The following TMEM117 variants were observed in gnomAD, a reference collection of about 807,000 sequenced individuals.
TMEM117 encodes the protein transmembrane protein 117.
In TMEM117, 27 loss-of-function variants were observed where a neutral mutation model predicts 52.4. The ratio of observed to expected loss-of-function variants is 0.51; its 90% CI spans 0.38 to 0.71. The LOEUF (loss-of-function observed/expected upper bound fraction) is 0.71, where lower values mean the gene tolerates loss of function less well. Ranked by LOEUF, TMEM117 falls within the 30% of genes least tolerant of loss-of-function variation. TMEM117 has a pLI of 0.00. For synonymous variants in TMEM117, 215 were observed against 206.3 expected, an observed-to-expected ratio of 1.04 and a Z score of -0.36; for missense variants, 556 against 630.5, an observed-to-expected ratio of 0.88 and a Z score of 1.26.
At chr12:43,869,634 A>T (rs1204039712) in intron 2 of TMEM117, among the ~76,000 whole-genome samples, 1 of 152,254 alleles carries the variant, frequency 6.6e-6, no homozygotes, top group Non-Finnish European at 1.5e-5. Flanking sequence ...AACAATTGTT[A>T]AAACCTGGAA....
At chr12:44,329,935 A>G (rs1200789205) in intron 6 of TMEM117, among the ~76,000 whole-genome samples, 5 of 152,086 alleles carry the variant, frequency 3.3e-5, no homozygotes, top group South Asian at 2.1e-4. Context: ...GGTTGCTTCC[A>G]TCTTTTGTGA....
intron 5 of TMEM117, among the ~76,000 whole-genome samples, chr12:44,259,203 C>T (rs891724132): frequency 6.6e-6 from 1 of 152,114 alleles, no homozygotes; most frequent in African/African-American, 2.4e-5. Flanking sequence ...CAGCATTATA[C>T]TAAATGTTCC....
At chr12:44,037,469 G>GTGCCC in intron 3 of TMEM117, among the ~76,000 whole-genome samples, 1 of 152,258 alleles carries the variant, frequency 6.6e-6, no homozygotes, top group South Asian at 2.1e-4. Context: ...GGCCCCTCCA[G>GTGCCC]ACGCTGGGCA....
intron 3 of TMEM117, among the ~76,000 whole-genome samples, chr12:43,996,816 AAAT>A (rs1325925135): frequency 1.3e-5 from 2 of 152,212 alleles, no homozygotes; most frequent in African/African-American, 2.4e-5. Context: ...ACTTGACTCA[AAAT>A]GAGCTTAGTG....
intron 2 of TMEM117, among the ~76,000 whole-genome samples, chr12:43,889,916 G>C (rs144502904): frequency 1.0e-3 from 153 of 152,270 alleles, no homozygotes; most frequent in Non-Finnish European, 1.9e-3. Flanking sequence ...CACCAGTTCG[G>C]TTGCAATATA....
At chr12:44,263,186 A>G (rs116645597) in intron 5 of TMEM117, among the ~76,000 whole-genome samples, 2,276 of 152,294 alleles carry the variant, frequency 0.015, 40 homozygotes, top group African/African-American at 0.052. Flanking sequence ...ATCTATAACA[A>G]AGTTTTCTCA....
At chr12:43,796,277 C>CT in the TMEM117 span, among the ~76,000 whole-genome samples, 1 of 152,078 alleles carries the variant, frequency 6.6e-6, no homozygotes, top group East Asian at 1.9e-4. Context: ...CTGATCCCTG[C>CT]TATAGAAGGT....
intron 3 of TMEM117, among the ~76,000 whole-genome samples, chr12:44,032,834 G>A (rs774559538): frequency 8.5e-5 from 13 of 152,154 alleles, no homozygotes; most frequent in South Asian, 4.1e-4. Flanking sequence ...TCAGCCTGAA[G>A]AAGTTACAGA....
chr12:43,991,370 G>T (rs1565783344), intron 3 of TMEM117, among the ~76,000 whole-genome samples: 1 of 152,120 alleles, frequency 6.6e-6, no homozygotes, highest in Non-Finnish European at 1.5e-5. Context: ...CGGGAGATAA[G>T]AAATTGTCCA....
intron 3 of TMEM117, among the ~76,000 whole-genome samples, chr12:44,061,477 G>A (rs1442946739): frequency 6.6e-6 from 1 of 152,070 alleles, no homozygotes; most frequent in Non-Finnish European, 1.5e-5. Context: ...GGATTGTGAG[G>A]TGAGATATGG....
intron 3 of TMEM117, among the ~76,000 whole-genome samples, chr12:44,026,674 G>A (rs1016615757): frequency 3.3e-5 from 5 of 152,130 alleles, no homozygotes; most frequent in Non-Finnish European, 7.3e-5. Context: ...TAATTGGCAA[G>A]TATGTGTTTA....
intron 2 of TMEM117, among the ~76,000 whole-genome samples, chr12:43,910,629 T>C (rs1372506502): frequency 6.6e-6 from 1 of 151,716 alleles, no homozygotes; most frequent in East Asian, 1.9e-4. Context: ...CTTCAGCTGA[T>C]AAGCAACTTC....
chr12:44,041,005 GA>G (rs1173848874), intron 3 of TMEM117, among the ~76,000 whole-genome samples: 9 of 152,066 alleles, frequency 5.9e-5, no homozygotes, highest in African/African-American at 1.9e-4. Context: ...TAAGCACATG[GA>G]AAAAAGAAAT....
At chr12:44,184,417 G>A (rs1185629009) in intron 4 of TMEM117, among the ~76,000 whole-genome samples, 1 of 152,112 alleles carries the variant, frequency 6.6e-6, no homozygotes, top group East Asian at 1.9e-4. Context: ...GATCACATAA[G>A]CCCTGAAATG....
chr12:43,960,076 C>G (rs1161934247), intron 3 of TMEM117, among the ~76,000 whole-genome samples: 8 of 152,194 alleles, frequency 5.3e-5, no homozygotes, highest in Non-Finnish European at 8.8e-5. Flanking sequence ...GATGCAAATT[C>G]TGCTGGAGTG....
chr12:44,246,906 G>A lies in TMEM117; in HGVS notation c.608+35519G>A, dbSNP rs143781333. Among the ~76,000 whole-genome samples, 3 of 152,214 alleles carry A rather than the reference G, an allele frequency of 2.0e-5. No homozygotes were observed. In the East Asian group the frequency reaches 5.8e-4, roughly 29 times the overall value. ...GCTTGATGGTCTAAAAACATTGCTGGGCCCTGCATCTGTTGCATCCTGCAC... is the reference window on the plus strand; with the variant it reads ...GCTTGATGGTCTAAAAACATTGCTGAGCCCTGCATCTGTTGCATCCTGCAC... On this transcript the variant is annotated intron_variant, in intron 5 of 7. Transcript: ENST00000266534.
chr12:43,836,812 TGA>T (rs370818795), intron 1 of TMEM117, among the ~76,000 whole-genome samples: 3 of 150,938 alleles, frequency 2.0e-5, no homozygotes, highest in African/African-American at 2.4e-5. Flanking sequence ...TGTGCGTGTG[TGA>T]GAGAGAGAGA....
intron 2 of TMEM117, among the ~76,000 whole-genome samples, chr12:43,916,418 A>C (rs1944604130): frequency 6.6e-6 from 1 of 152,222 alleles, no homozygotes; most frequent in African/African-American, 2.4e-5. Flanking sequence ...ATATATGTTT[A>C]TAAAACATGA....
At chr12:43,808,596 G>T in the TMEM117 span, among the ~76,000 whole-genome samples, 2 of 152,022 alleles carry the variant, frequency 1.3e-5, no homozygotes, top group African/African-American at 4.8e-5. Context: ...ATAAATGAAT[G>T]AAGCTAATAA....
Sources: allele counts gnomAD v4.1 joint callset (sites outside exome capture counted in the v4.1 genomes callset), GRCh38; gene constraint gnomAD v4.1.1; transcripts MANE v1.5; gene names NCBI Gene and HGNC (gene_info 2026-07-23, HGNC 2026-07-21).